The following KDM4C variants were observed in gnomAD, a reference collection of about 807,000 sequenced individuals.
The protein encoded by KDM4C is lysine-specific demethylase 4C.
Under a neutral mutation model 129.3 loss-of-function variants are expected in KDM4C, and 81 were observed. The observed-to-expected ratio is 0.63, with a 90% CI of 0.52 to 0.75. KDM4C has a LOEUF of 0.75. Ranked by LOEUF, KDM4C falls within the 30% of genes least tolerant of loss-of-function variation. The pLI is 0.00. For missense variants in KDM4C, 1,457 were observed against 1,304.0 expected (o/e 1.12, Z -1.81); for synonymous variants, 573 against 456.1 (o/e 1.26, Z -3.26).
At chr9:7,121,244 C>A (rs1839452399) in intron 18 of KDM4C, among the ~76,000 whole-genome samples, 1 of 152,150 alleles carries the variant, frequency 6.6e-6, no homozygotes, top group East Asian at 1.9e-4. Context: ...CCTCATGCAT[C>A]TGTGGTCAGC....
At chr9:6,757,913 G>T (rs900074570), upstream of KDM4C, 1 of 985,414 alleles carries the variant, frequency 1.0e-6, no homozygotes, top group Non-Finnish European at 1.2e-6. Context: ...GTAAGCCCAC[G>T]TGACTCACCA....
In KDM4C at chr9:6,940,254, C is replaced by T. The variant is rs7855471; in HGVS notation, c.922-40671C>T. Among the ~76,000 whole-genome samples the T allele has an allele frequency of 3.4e-3, 524 of 152,230 alleles. 2 individuals are homozygous for T. Among genetic ancestry groups the T allele is most frequent in the African/African-American group, 0.012 (493 of 41,534 alleles). On this transcript the variant is annotated intron_variant, in intron 8 of 21. Coordinates refer to ENST00000381309, the MANE Select transcript of KDM4C (RefSeq NM_015061.6). Reference sequence around the variant, plus strand: ...TACAGGCATGTGCCATCATGACCAGCTAATTTTTGTATTTTTTGTAGAGAG... The same window carrying T: ...TACAGGCATGTGCCATCATGACCAGTTAATTTTTGTATTTTTTGTAGAGAG...
chr9:6,906,344 A>T (rs950382607), intron 8 of KDM4C, among the ~76,000 whole-genome samples: 3 of 152,222 alleles, frequency 2.0e-5, no homozygotes, highest in Admixed American at 2.0e-4. Flanking sequence ...AAACCTCTCC[A>T]GGCAACACTA....
At chr9:6,730,813 C>T (rs193066621) in intron 1 of KDM4C, among the ~76,000 whole-genome samples, 221 of 152,182 alleles carry the variant, frequency 1.5e-3, no homozygotes, top group Middle Eastern at 0.01. Flanking sequence ...TACAGCTCCG[C>T]GTTTGCCTTA....
intron 1 of KDM4C, among the ~76,000 whole-genome samples, chr9:6,771,160 T>G (rs1821759606): frequency 7.3e-6 from 1 of 136,984 alleles, no homozygotes; most frequent in African/African-American, 2.7e-5. Context: ...ACTCCTGAGC[T>G]CAAGTGATCC....
At chr9:6,749,174 C>T (rs1817987996) in intron 1 of KDM4C, among the ~76,000 whole-genome samples, 1 of 152,178 alleles carries the variant, frequency 6.6e-6, no homozygotes, top group Non-Finnish European at 1.5e-5. Flanking sequence ...CATGCACCAC[C>T]ACGCCCGGCT....
At chr9:6,728,991 G>C (rs1384604436) in intron 1 of KDM4C, among the ~76,000 whole-genome samples, 1 of 151,784 alleles carries the variant, frequency 6.6e-6, no homozygotes, top group African/African-American at 2.4e-5. Flanking sequence ...GGATCACGAG[G>C]TCAGGAGTTC....
intron 17 of KDM4C, among the ~76,000 whole-genome samples, chr9:7,091,371 C>G (rs1435070583): frequency 6.6e-6 from 1 of 151,864 alleles, no homozygotes; most frequent in Non-Finnish European, 1.5e-5. Flanking sequence ...TAATAGAGTA[C>G]AATACTTTTT....
chr9:6,951,541 A>C (rs1247698944), intron 8 of KDM4C, among the ~76,000 whole-genome samples: 1 of 152,194 alleles, frequency 6.6e-6, no homozygotes, highest in Non-Finnish European at 1.5e-5. Flanking sequence ...ACAGGAGTTA[A>C]GAGTGTGTAT....
At chr9:7,000,530 T>A (rs1473561425) in intron 12 of KDM4C, among the ~76,000 whole-genome samples, 1 of 152,224 alleles carries the variant, frequency 6.6e-6, no homozygotes. Context: ...ACCATAACCT[T>A]GTTACTCTTA....
chr9:7,020,461 C>T (rs1445852065), intron 15 of KDM4C, among the ~76,000 whole-genome samples: 1 of 152,140 alleles, frequency 6.6e-6, no homozygotes, highest in Non-Finnish European at 1.5e-5. Flanking sequence ...ATTTTCAGCT[C>T]TGTTTGATTG....
At chr9:7,018,699 G>A (rs1586947182) in intron 15 of KDM4C, among the ~76,000 whole-genome samples, 1 of 152,184 alleles carries the variant, frequency 6.6e-6, no homozygotes, top group East Asian at 1.9e-4. Context: ...TCTTTGCATG[G>A]CAACCTAGGG....
chr9:7,158,648 GT>G (rs1273877057), intron 19 of KDM4C, among the ~76,000 whole-genome samples: 1 of 152,176 alleles, frequency 6.6e-6, no homozygotes, highest in Non-Finnish European at 1.5e-5. Context: ...TAGTTGAGCG[GT>G]TTTGAGTGAG....
intron 5 of KDM4C, among the ~76,000 whole-genome samples, chr9:6,854,673 A>T (rs1839487158): frequency 6.6e-6 from 1 of 152,218 alleles, no homozygotes; most frequent in African/African-American, 2.4e-5. Flanking sequence ...TTAGAAAATT[A>T]AGAATGGGTT....
intron 16 of KDM4C, 148 bp from the exon 17 acceptor site, chr9:7,048,944 T>G: frequency 5.2e-6 from 3 of 575,628 alleles, no homozygotes; most frequent in Non-Finnish European, 9.3e-6. Context: ...TCAGGAGGTT[T>G]ACAGTTCAGA....
chr9:7,008,301 G>A (rs1358863578), intron 12 of KDM4C, among the ~76,000 whole-genome samples: 1 of 152,166 alleles, frequency 6.6e-6, no homozygotes, highest in African/African-American at 2.4e-5. Flanking sequence ...TTGCTCCAGT[G>A]TCAGGCCATC....
At chr9:7,083,723 G>GTGTGTGTA (rs1294437785) in intron 17 of KDM4C, among the ~76,000 whole-genome samples, 1 of 151,390 alleles carries the variant, frequency 6.6e-6, no homozygotes, top group Non-Finnish European at 1.5e-5. Flanking sequence ...GTGTGTGTGT[G>GTGTGTGTA]TGTGTGTGTG....
chr9:7,162,074 A>C lies in KDM4C; in HGVS notation c.2782-3164A>C, dbSNP rs147959309. 9.2e-3 allele frequency among the ~76,000 whole-genome samples: 1,395 copies of C among 152,366 alleles called. 8 individuals carry two copies. The highest frequency in any genetic ancestry group is 0.041 in the Middle Eastern group (12 of 294). The stretch of plus-strand genomic sequence containing the variant: ...TACTAAATAAAGTTATATGCTAATC[A>C]AAATATATGTCCTTCCAGCTGAATG... On this transcript the variant is annotated intron_variant, in intron 19 of 21. Transcript: ENST00000381309.
intron 12 of KDM4C, among the ~76,000 whole-genome samples, chr9:7,009,087 A>G (rs1232328082): frequency 6.6e-6 from 1 of 152,272 alleles, no homozygotes; most frequent in African/African-American, 2.4e-5. Flanking sequence ...ATTCAAAATA[A>G]TAATCTTAAA....
Sources: allele counts gnomAD v4.1 joint callset (sites outside exome capture counted in the v4.1 genomes callset), GRCh38; gene constraint gnomAD v4.1.1; transcripts MANE v1.5; gene names NCBI Gene and HGNC (gene_info 2026-07-23, HGNC 2026-07-21).